Variants in FAT2 observed in about 807,000 individuals in gnomAD.
FAT2 encodes protocadherin Fat 2.
A neutral mutation model predicts 295.3 loss-of-function variants in FAT2; 150 were observed. The ratio of observed to expected loss-of-function variants is 0.51; its 90% CI spans 0.44 to 0.58. The LOEUF is 0.58. Ranked by LOEUF, FAT2 falls within the 20% of genes least tolerant of loss-of-function variation. The probability of loss-of-function intolerance (pLI) is 0.00; values close to 1 mark genes in which losing one functional copy is unlikely to be tolerated. For missense variants in FAT2, 4,868 were observed against 5,442.7 expected (o/e 0.89, Z 3.32); for synonymous variants, 2,026 against 2,150.3 (o/e 0.94, Z 1.60).
chr5:151,551,329 A>G, intron 7 of FAT2, 138 bp downstream of exon 7: 1 of 876,044 alleles, frequency 1.1e-6, no homozygotes, highest in Non-Finnish European at 1.8e-6. Context: ...TAGAGAGTGT[A>G]TTAGACAAGA....
chr5:151,589,484 C>T (rs955975383), intron 1 of FAT2, among the ~76,000 whole-genome samples: 2 of 152,192 alleles, frequency 1.3e-5, no homozygotes, highest in African/African-American at 4.8e-5. Flanking sequence ...ATCGAGAGCC[C>T]TGGGGGAAGA....
Position 151,544,740 on chromosome 5 carries a change from T to C in FAT2, c.6387A>G (p.Lys2129=). 6.2e-7 allele frequency: 1 copy of C among 1,614,120 alleles called. No individual in the cohort carries two copies. Among genetic ancestry groups the C allele is most frequent in the Non-Finnish European group, 8.5e-7 (1 of 1,180,022 alleles). ...DPYLGDISLK[K]PFDYQALNKY... ...TATTTAAAGCTTGATAATCAAAGGG[T>C]TTCTTGAGTGATATGTCCCCAAGAT... Residue 2129 remains lysine, a synonymous_variant, in exon 10 of 24, where the codon AAA becomes AAG. Coordinates refer to ENST00000261800, the MANE Select transcript of FAT2 (RefSeq NM_001447.3).
Position 151,543,056 on chromosome 5 carries a change from A to G in FAT2, c.8071T>C (p.Phe2691Leu). ...VVPKKVSLPK[F>L]SEPLYTFSAP... ...GAGAAAGTATACAAAGGTTCAGAAA[A>G]TTTCGGTAAGGATACTTTTTTAGGA... is the stretch of plus-strand genomic sequence containing the variant. Residue 2691 changes from phenylalanine (F) to leucine (L), a missense_variant, in exon 10 of 24, where the codon TTT becomes CTT. This residue lies in a region of FAT2 where 3,297 missense variants were observed against 3,669.4 expected (regional missense o/e 0.90). Transcript: ENST00000261800. The G allele has an allele frequency of 6.2e-7, 1 of 1,614,140 alleles. No homozygotes were observed. Among genetic ancestry groups the G allele is most frequent in the Non-Finnish European group, 8.5e-7 (1 of 1,180,024 alleles).
At chr5:151,589,907 T>C (rs1759331287) in intron 1 of FAT2, among the ~76,000 whole-genome samples, 1 of 151,988 alleles carries the variant, frequency 6.6e-6, no homozygotes, top group Admixed American at 6.6e-5. Context: ...TAAATAAATA[T>C]TTAATAAAGG....
At chr5:151,518,924 C>T (rs1346621826) in intron 19 of FAT2, among the ~76,000 whole-genome samples, 5 of 152,154 alleles carry the variant, frequency 3.3e-5, no homozygotes, top group Non-Finnish European at 5.9e-5. Flanking sequence ...TGTCAGTTGT[C>T]AGGGGAGAGG....
intron 19 of FAT2, among the ~76,000 whole-genome samples, chr5:151,518,018 A>G (rs2127576185): frequency 6.6e-6 from 1 of 152,276 alleles, no homozygotes; most frequent in Admixed American, 6.5e-5. Context: ...GTCAAGAAAT[A>G]TGAATTTAAA....
chr5:151,581,287 C>T (rs1758946920), intron 1 of FAT2, among the ~76,000 whole-genome samples: 1 of 152,196 alleles, frequency 6.6e-6, no homozygotes, highest in South Asian at 2.1e-4. Context: ...CAGTGCCTTG[C>T]ATGTGAGCCC....
At chr5:151,555,396 A>C (rs1384318340) in intron 4 of FAT2, among the ~76,000 whole-genome samples, 2 of 121,142 alleles carry the variant, frequency 1.7e-5, no homozygotes, top group Non-Finnish European at 3.2e-5. Context: ...TTTGAGACTG[A>C]GTCTCGCTCT....
At chr5:151,535,774 A>C (rs1170707332) in intron 12 of FAT2, among the ~76,000 whole-genome samples, 1 of 152,022 alleles carries the variant, frequency 6.6e-6, no homozygotes, top group Non-Finnish European at 1.5e-5. Flanking sequence ...CCCTAAACCC[A>C]TGGGATCTGA....
At chr5:151,526,448 A>G (rs529988101) in intron 17 of FAT2, among the ~76,000 whole-genome samples, 214 of 152,350 alleles carry the variant, frequency 1.4e-3, no homozygotes, top group Non-Finnish European at 2.3e-3. Context: ...AAGAAAAACC[A>G]GATTCCCTGA....
chr5:151,515,407 T>G (rs1286646825), intron 20 of FAT2, among the ~76,000 whole-genome samples: 2 of 152,186 alleles, frequency 1.3e-5, no homozygotes, highest in Non-Finnish European at 2.9e-5. Context: ...ACGTATGCGC[T>G]GAAGACTCCC....
intron 11 of FAT2, among the ~76,000 whole-genome samples, chr5:151,540,021 G>C (rs1755942332): frequency 6.6e-6 from 1 of 152,254 alleles, no homozygotes; most frequent in Non-Finnish European, 1.5e-5. Flanking sequence ...TCAGGTCTCT[G>C]TTGGTGTATT....
rs775007543 is a variant in FAT2, at chr5:151,528,028, G to A, written c.10132C>T (p.Leu3378=). Residue 3378 remains leucine, a synonymous_variant, in exon 16 of 24, where the codon CTA becomes TTA. Coordinates refer to ENST00000261800, the MANE Select transcript of FAT2 (RefSeq NM_001447.3). The stretch of plus-strand genomic sequence containing the variant: ...CGGTCCAGGGCCTTGGCCACCTGTA[G>A]CTCCCCCTTTTTGGGGTGAATGGTG... ...HFTIHPKKGE[L]QVAKALDREQ... The A allele has an allele frequency of 6.2e-7, 1 of 1,614,086 alleles. No homozygotes were observed. Among genetic ancestry groups the A allele is most frequent in the Non-Finnish European group, 8.5e-7 (1 of 1,180,044 alleles).
chr5:151,538,630 G>T (rs1229891857), intron 11 of FAT2, among the ~76,000 whole-genome samples: 1 of 152,182 alleles, frequency 6.6e-6, no homozygotes, highest in East Asian at 1.9e-4. Context: ...TGTTGAGTGT[G>T]GGCAAGCATG....
At chr5:151,565,489 A>AGACATATATT (rs1758210988) in intron 2 of FAT2, among the ~76,000 whole-genome samples, 184 bp downstream of exon 2, 1 of 152,150 alleles carries the variant, frequency 6.6e-6, no homozygotes, top group Admixed American at 6.5e-5. Flanking sequence ...GCACATATAT[A>AGACATATATT]GACATATATT....
chr5:151,550,921 G>A (rs774686136), intron 7 of FAT2, 50 bp from the exon 8 acceptor site: 3 of 1,578,858 alleles, frequency 1.9e-6, no homozygotes, highest in Non-Finnish European at 2.6e-6. Flanking sequence ...CAGGGGAACA[G>A]GGACTGGGTC....
At chr5:151,541,043 G>A (rs1756081939) in intron 10 of FAT2, among the ~76,000 whole-genome samples, 2 of 152,172 alleles carry the variant, frequency 1.3e-5, no homozygotes, top group Admixed American at 1.3e-4. Context: ...TGGCCCAGAA[G>A]GCATGGGAGG....
intron 11 of FAT2, among the ~76,000 whole-genome samples, chr5:151,538,507 C>T (rs913921760): frequency 6.6e-6 from 1 of 152,144 alleles, no homozygotes; most frequent in African/African-American, 2.4e-5. Context: ...CTGCAGGTAC[C>T]GTCATGGCAT....
chr5:151,575,867 C>T (rs1176658533), intron 1 of FAT2, among the ~76,000 whole-genome samples: 4 of 152,180 alleles, frequency 2.6e-5, no homozygotes, highest in African/African-American at 9.7e-5. Context: ...CCATGCATGG[C>T]TGGCTATTGA....
Sources: gnomAD v4.1 joint callset for allele counts (sites outside exome capture counted in the v4.1 genomes callset) on GRCh38, gnomAD v4.1.1 for gene constraint, gnomAD v4.1.1 regional missense constraint, MANE v1.5 for transcripts, NCBI Gene and HGNC (gene_info 2026-07-23, HGNC 2026-07-21) for gene names.